LRCH3: variants seen among roughly 807,000 people sequenced by gnomAD.
LRCH3 encodes leucine rich repeats and calponin homology domain containing 3.
Under a neutral mutation model 104.5 loss-of-function variants are expected in LRCH3, and 68 were observed. That is an observed-to-expected ratio of 0.65 (90% CI 0.54 to 0.80). The LOEUF (loss-of-function observed/expected upper bound fraction) is 0.80, where lower values mean the gene tolerates loss of function less well. Ranked by LOEUF, LRCH3 falls within the 30% of genes least tolerant of loss-of-function variation. The pLI is 0.00. For synonymous variants in LRCH3, 344 were observed against 361.3 expected, an observed-to-expected ratio of 0.95 and a Z score of 0.54; for missense variants, 951 against 953.9, an observed-to-expected ratio of 1.00 and a Z score of 0.04.
chr3:197,832,858 C>T (rs1230394271), intron 8 of LRCH3, among the ~76,000 whole-genome samples: 2 of 152,094 alleles, frequency 1.3e-5, no homozygotes, highest in Non-Finnish European at 2.9e-5. Flanking sequence ...TTGATTTTCG[C>T]ATTCAATTCT....
intron 7 of LRCH3, 86 bp downstream of exon 7, chr3:197,830,949 C>G: frequency 8.8e-7 from 1 of 1,131,012 alleles, no homozygotes; most frequent in Admixed American, 1.8e-5. Context: ...TAACTGGATT[C>G]AGTTTCTCAC....
intron 10 of LRCH3, among the ~76,000 whole-genome samples, chr3:197,841,911 C>T (rs1408937020): frequency 1.3e-5 from 2 of 152,114 alleles, no homozygotes; most frequent in Admixed American, 6.6e-5. Context: ...ATGGTCACTG[C>T]AGCCTCTACC....
chr3:197,870,371 TTTA>T lies in LRCH3; in HGVS notation c.1992+96_1992+98del. 8 of 1,273,376 alleles carry T rather than the reference TTTA, an allele frequency of 6.3e-6. No homozygotes were observed. The African/African-American group carries it at 9.2e-5, about 15-fold the overall frequency. The allele number at this position is 1,273,376 out of a possible 1,614,324, so 78.9% of individuals were successfully genotyped here. On this transcript the variant is annotated intron_variant, in intron 18 of 20. Transcript: ENST00000425562. Reference sequence around the variant, plus strand: ...GTCTTCATTTGACACATCATTTTTATTTATTTTTTTTTTAGACGGAGTCTCACT... The same window carrying T: ...GTCTTCATTTGACACATCATTTTTATTTTTTTTTTTAGACGGAGTCTCACT...
intron 19 of LRCH3, among the ~76,000 whole-genome samples, chr3:197,873,668 T>C (rs926765945): frequency 5.5e-4 from 83 of 152,130 alleles, no homozygotes; most frequent in African/African-American, 2.0e-3. Flanking sequence ...GAGGCTGCAG[T>C]GAGCCACGAT....
intron 20 of LRCH3, among the ~76,000 whole-genome samples, chr3:197,876,881 G>C (rs1712962325): frequency 7.6e-6 from 1 of 131,514 alleles, no homozygotes; most frequent in Non-Finnish European, 1.6e-5. Context: ...ACCCATGACA[G>C]TGATTCTCTT....
intron 17 of LRCH3, among the ~76,000 whole-genome samples, chr3:197,868,713 T>C (rs1227786902): frequency 1.3e-5 from 2 of 152,204 alleles, no homozygotes; most frequent in African/African-American, 4.8e-5. Context: ...AAACTTACCA[T>C]TGATCAAAGG....
chr3:197,849,541 T>G (rs1739278533), intron 12 of LRCH3, among the ~76,000 whole-genome samples: 2 of 152,164 alleles, frequency 1.3e-5, no homozygotes. Flanking sequence ...CTAATTTGTC[T>G]AACCATTTCT....
rs1735006521 is a variant in LRCH3 at position 197,825,143 on chromosome 3, G to A, written c.641-1735G>A. ...CCACTTTCAGTGTTTAAAATTGATG[G>A]TTGAAAATCTGATGCCATTCATTCT... On this transcript the variant is annotated intron_variant, in intron 4 of 20. Transcript: ENST00000425562. 2.0e-5 allele frequency among the ~76,000 whole-genome samples: 3 copies of A among 152,176 alleles called. No individual in the cohort carries two copies. The South Asian group carries it at 6.2e-4, about 32-fold the overall frequency.
At chr3:197,867,918 T>G (rs9837994) in intron 17 of LRCH3, among the ~76,000 whole-genome samples, 13,214 of 151,188 alleles carry the variant, frequency 0.087, 1,948 homozygotes, top group African/African-American at 0.3. Flanking sequence ...CAGCTACTTG[T>G]GGGGCTGAGG....
intron 6 of LRCH3, 24 bp downstream of exon 6, chr3:197,829,697 C>CTA: frequency 6.7e-7 from 1 of 1,485,210 alleles, no homozygotes; most frequent in Non-Finnish European, 9.2e-7. Flanking sequence ...GTCCCTTTAT[C>CTA]TATCATATTT....
intron 20 of LRCH3, among the ~76,000 whole-genome samples, chr3:197,877,830 AC>A: frequency 1.3e-5 from 2 of 152,112 alleles, no homozygotes; most frequent in East Asian, 3.9e-4. Context: ...GTTAGCAAAC[AC>A]CTTTTTGATT....
chr3:197,880,730 G>T, intron 20 of LRCH3: 1 of 1,536,612 alleles, frequency 6.5e-7, no homozygotes, highest in Non-Finnish European at 8.7e-7. Flanking sequence ...TTGCACTCCG[G>T]TGACTTTCTG....
chr3:197,860,908 C>G (rs1037124419), intron 15 of LRCH3, among the ~76,000 whole-genome samples: 1 of 151,934 alleles, frequency 6.6e-6, no homozygotes, highest in African/African-American at 2.4e-5. Context: ...ACTACCCTTC[C>G]CAGCCTCCGG....
intron 1 of LRCH3, among the ~76,000 whole-genome samples, chr3:197,800,348 C>T (rs1003299534): frequency 5.3e-5 from 8 of 152,172 alleles, no homozygotes; most frequent in Non-Finnish European, 8.8e-5. Context: ...AAGAAAAAGA[C>T]AACCCAGGAG....
chr3:197,791,421 C>T lies in LRCH3; in HGVS notation c.143C>T (p.Ser48Phe), dbSNP rs758590561. The change falls in exon 1 of 21, where the codon TCT (serine) becomes TTT (phenylalanine). Residue 48 changes from serine (S) to phenylalanine (F), a missense_variant. By Grantham distance (155) the Ser-to-Phe change is radical. Transcript: ENST00000425562. ...TTTGGCCCGGGCTCGTGGAGCCGCT[C>T]TCTCGATCGAGCCCTGGAGGAGGCG... ...PGFGPGSWSR[S>F]LDRALEEAAV... is the part of the protein sequence containing the mutation. The T allele has an allele frequency of 6.3e-7, 1 of 1,593,412 alleles. No homozygotes were observed. The highest frequency in any genetic ancestry group is 8.5e-7 in the Non-Finnish European group (1 of 1,171,606).
chr3:197,826,449 A>G (rs530205795), intron 4 of LRCH3, among the ~76,000 whole-genome samples: 1 of 152,286 alleles, frequency 6.6e-6, no homozygotes, highest in South Asian at 2.1e-4. Context: ...AGTTCCGAGC[A>G]TTTTTGATTC....
At chr3:197,875,025 G>A (rs888541832) in intron 19 of LRCH3, among the ~76,000 whole-genome samples, 2 of 144,074 alleles carry the variant, frequency 1.4e-5, no homozygotes, top group African/African-American at 2.9e-5. Flanking sequence ...CGGGTTCCCG[G>A]GTTCAAGTGA....
At chr3:197,806,007 A>G (rs1294611109) in intron 1 of LRCH3, among the ~76,000 whole-genome samples, 1 of 151,522 alleles carries the variant, frequency 6.6e-6, no homozygotes, top group Non-Finnish European at 1.5e-5. Flanking sequence ...GCTCACTGCG[A>G]CGTCTGCCTC....
intron 12 of LRCH3, chr3:197,848,247 A>G (rs952500016): frequency 4.3e-6 from 2 of 459,846 alleles, no homozygotes; most frequent in Non-Finnish European, 7.8e-6. Context: ...TCACTTTACT[A>G]TCCAGCTGCC....
Sources: allele counts gnomAD v4.1 joint callset (sites outside exome capture counted in the v4.1 genomes callset), GRCh38; gene constraint gnomAD v4.1.1; transcripts MANE v1.5; gene names NCBI Gene and HGNC (gene_info 2026-07-23, HGNC 2026-07-21).